DENND4B: variants seen among roughly 807,000 people sequenced by gnomAD.
DENND4B encodes the protein DENN domain-containing protein 4B.
A neutral mutation model predicts 161.0 loss-of-function variants in DENND4B; 67 were observed. The observed-to-expected ratio is 0.42, with a 90% CI of 0.34 to 0.51. The LOEUF is 0.51. DENND4B is among the 20% of genes least tolerant of loss of function. DENND4B has a pLI of 0.08. For synonymous variants in DENND4B, 753 were observed against 813.8 expected (o/e 0.93, Z 1.27); for missense variants, 1,481 against 1,968.0 (o/e 0.75, Z 4.68).
rs945847880 is a variant in DENND4B, at chr1:153,944,799, T to C, written c.-23-402A>G. 6.6e-6 allele frequency among the ~76,000 whole-genome samples: 1 copy of C among 152,128 alleles called. No individual in the cohort carries two copies. Among genetic ancestry groups the C allele is most frequent in the East Asian group, 1.9e-4 (1 of 5,192 alleles). ...ACCAACCTTACAGTCTTTTCAAGGG[T>C]TTCTGACCTTCCTACTCTAGTTATG... On this transcript the variant is annotated intron_variant, in intron 1 of 27. Coordinates refer to ENST00000361217, the MANE Select transcript of DENND4B (RefSeq NM_014856.3). The surrounding 1 kb of genome is among the most constrained non-coding windows in gnomAD (Gnocchi z 4.8).
Position 153,942,771 on chromosome 1 carries a change from A to C in DENND4B, c.570+107T>G, listed in dbSNP as rs1337279125. 1.3e-6 allele frequency: 2 copies of C among 1,489,218 alleles called. No individual in the cohort carries two copies. Among genetic ancestry groups the C allele is most frequent in the Non-Finnish European group, 9.0e-7 (1 of 1,116,246 alleles). The allele number at this position is 1,489,218 out of a possible 1,614,324, so 92.3% of individuals were successfully genotyped here. ...CCCAAGACCAGAGTTACCCCTCTGGACTCACCCCTGTGGTCAGAGCCTTGG... is the reference window on the plus strand; with the variant it reads ...CCCAAGACCAGAGTTACCCCTCTGGCCTCACCCCTGTGGTCAGAGCCTTGG... On this transcript the variant is annotated intron_variant, in intron 3 of 27. Coordinates refer to ENST00000361217, the MANE Select transcript of DENND4B (RefSeq NM_014856.3). The surrounding 1 kb of genome is among the most constrained non-coding windows in gnomAD (Gnocchi z 6.9).
chr1:153,935,439 C>T (rs906598294), intron 17 of DENND4B, among the ~76,000 whole-genome samples: 1 of 152,192 alleles, frequency 6.6e-6, no homozygotes. Flanking sequence ...CTCTGCCTCC[C>T]GGGTTCAAGT....
Position 153,930,349 on chromosome 1 carries a change from G to C in DENND4B, c.4439C>G (p.Thr1480Ser). The part of the protein sequence containing the change: ...ELRHRRAQMP[T>S]PKAIDCRKCF... ...TTTTCGGCAGTCAATGGCCTTGGGA[G>C]TGGGCATCTGCGCCCGCCGGTGCCT... Residue 1480 changes from threonine to serine, a missense_variant, in exon 28 of 28, where the codon ACT becomes AGT. Thr to Ser is a moderately conservative substitution (Grantham distance 58). This residue lies in a region of DENND4B where 336 missense variants were observed against 503.3 expected (regional missense o/e 0.67). Transcript: ENST00000361217. This position sits in a 1 kb window ranked among gnomAD's most constrained non-coding sequence, Gnocchi z 4.7. 1 of 1,614,028 alleles carries C rather than the reference G, an allele frequency of 6.2e-7. No individual in the cohort carries two copies. The highest frequency in any genetic ancestry group is 8.5e-7 in the Non-Finnish European group (1 of 1,179,892).
chr1:153,938,844 C>T, intron 13 of DENND4B, 56 bp downstream of exon 13: 3 of 1,550,498 alleles, frequency 1.9e-6, no homozygotes, highest in South Asian at 2.4e-5. Context: ...CTTGGGGCAA[C>T]AGAGACAATG....
Position 153,933,563 on chromosome 1 carries a change from C to A in DENND4B, c.3250G>T (p.Asp1084Tyr), listed in dbSNP as rs752058918. The A allele has an allele frequency of 1.6e-5, 25 of 1,554,978 alleles. No individual in the cohort carries two copies. The highest frequency in any genetic ancestry group is 2.7e-5 in the African/African-American group (2 of 72,738). The change falls in exon 20 of 28, where the codon GAC (aspartate) becomes TAC (tyrosine). Residue 1084 changes from aspartate to tyrosine, a missense_variant. Physicochemically the swap from Asp to Tyr is radical, Grantham distance 160 (BLOSUM62 -3). Coordinates refer to ENST00000361217, the MANE Select transcript of DENND4B (RefSeq NM_014856.3). This position sits in a 1 kb window ranked among gnomAD's most constrained non-coding sequence, Gnocchi z 5.7. ...CTGCGGCGGGCTGGGGGTGGCAGGT[C>A]AGGAGGCAGCTCAGGTGGGGGAATG... ...SRIPPPELPP[D>Y]LPPPARRSPM...
Position 153,937,357 on chromosome 1 carries a change from G to A in DENND4B, c.2232+131C>T, listed in dbSNP as rs766788730. On this transcript the variant is annotated intron_variant, in intron 15 of 27. Transcript: ENST00000361217. This position sits in a 1 kb window ranked among gnomAD's most constrained non-coding sequence, Gnocchi z 4.7. ...TTATACAGGGTTGCTTATGTGCCAAGCACATTTAAACTCCTAACAACCTCA... is the reference window on the plus strand; with the variant it reads ...TTATACAGGGTTGCTTATGTGCCAAACACATTTAAACTCCTAACAACCTCA... 1 of 1,331,364 alleles carries A rather than the reference G, an allele frequency of 7.5e-7. No individual in the cohort carries two copies. Among genetic ancestry groups the A allele is most frequent in the South Asian group, 1.7e-5 (1 of 57,898 alleles). The allele number at this position is 1,331,364 out of a possible 1,614,324, so 82.5% of individuals were successfully genotyped here. A position where few individuals can be genotyped will look rare whatever the true frequency, so the allele number is the denominator to read the frequency against.
Position 153,932,145 on chromosome 1 carries a change from C to A in DENND4B, c.3996+59G>T. The A allele has an allele frequency of 1.4e-6, 2 of 1,479,572 alleles. No individual in the cohort carries two copies. The allele number at this position is 1,479,572 out of a possible 1,614,324, so 91.7% of individuals were successfully genotyped here. The stretch of plus-strand genomic sequence containing the variant: ...TCTACAGTGCCAAGGACACAGTGGA[C>A]AAATGGCTGAGAGATGAGGGAGGCA... On this transcript the variant is annotated intron_variant, in intron 24 of 27. Transcript: ENST00000361217. This position sits in a 1 kb window ranked among gnomAD's most constrained non-coding sequence, Gnocchi z 5.8.
intron 17 of DENND4B, 52 bp from the exon 18 acceptor site, chr1:153,935,016 C>T: frequency 1.3e-6 from 2 of 1,591,042 alleles, no homozygotes; most frequent in South Asian, 2.2e-5. Context: ...CCTAACCCTG[C>T]CTCATACCCA....
Position 153,940,111 on chromosome 1 carries a change from G to T in DENND4B, c.1603+45C>A. 6.8e-7 allele frequency: 1 copy of T among 1,480,792 alleles called. No homozygotes were observed. The highest frequency in any genetic ancestry group is 9.1e-7 in the Non-Finnish European group (1 of 1,100,994). The allele number at this position is 1,480,792 out of a possible 1,614,324, so 91.7% of individuals were successfully genotyped here. ...AGACCTCTGCAAACTGGAGGTTTGAGGGCAATGACAGTTCCCAGCCTCCCT... is the reference window on the plus strand; with the variant it reads ...AGACCTCTGCAAACTGGAGGTTTGATGGCAATGACAGTTCCCAGCCTCCCT... On this transcript the variant is annotated intron_variant, in intron 11 of 27. Coordinates refer to ENST00000361217, the MANE Select transcript of DENND4B (RefSeq NM_014856.3). This position sits in a 1 kb window ranked among gnomAD's most constrained non-coding sequence, Gnocchi z 5.6.
In DENND4B at chr1:153,933,242, C is replaced by T; in HGVS notation, c.3408G>A (p.Glu1136=). ...LSNLSLRRSS[E]RLSDTPGSFQ... Reference sequence around the variant, plus strand: ...AGGATCCAGGGGTGTCACTGAGGCGCTCTGAGGAACGGCGAAGACTCAGGT... The same window carrying T: ...AGGATCCAGGGGTGTCACTGAGGCGTTCTGAGGAACGGCGAAGACTCAGGT... The change falls in exon 21 of 28, where the codon GAG becomes GAA. Residue 1136 remains glutamate (E), a synonymous_variant. Coordinates refer to ENST00000361217, the MANE Select transcript of DENND4B (RefSeq NM_014856.3). This position sits in a 1 kb window ranked among gnomAD's most constrained non-coding sequence, Gnocchi z 5.7. 6.2e-7 allele frequency: 1 copy of T among 1,613,162 alleles called. No individual in the cohort carries two copies. The highest frequency in any genetic ancestry group is 8.5e-7 in the Non-Finnish European group (1 of 1,179,564).
intron 17 of DENND4B, 57 bp from the exon 18 acceptor site, chr1:153,935,021 T>TA: frequency 6.3e-7 from 1 of 1,588,174 alleles, no homozygotes; most frequent in South Asian, 1.1e-5. Context: ...CCCTGCCTCA[T>TA]ACCCACTCCC....
chr1:153,935,227 C>A, intron 17 of DENND4B: 1 of 526,152 alleles, frequency 1.9e-6, no homozygotes, highest in Non-Finnish European at 3.3e-6. Flanking sequence ...AAATATATGG[C>A]TCTGAAGAAA....
rs1276137767 is a variant in DENND4B, at chr1:153,938,901, T to G, written c.1964A>C (p.Lys655Thr). 1.3e-6 allele frequency: 2 copies of G among 1,582,404 alleles called. No homozygotes were observed. Among genetic ancestry groups the G allele is most frequent in the Admixed American group, 1.8e-5 (1 of 54,630 alleles). ...GAGCACATAGAGAAGGGATGATACC[T>G]TTTCAACACAAGAGTCAAAGAATTC... ...ALEFFDSCVE[K>T]VHPEQEKPEP... The change falls in exon 13 of 28, where the codon AAG becomes ACG. Residue 655 changes from lysine (K) to threonine (T), a missense_variant and splice_region_variant. Lys to Thr is a moderately conservative substitution (Grantham distance 78). This residue lies in a region of DENND4B where 806 missense variants were observed against 1,134.4 expected (regional missense o/e 0.71). Transcript: ENST00000361217.
At position 153,936,797 on chromosome 1, in the gene DENND4B, C is replaced by G. The variant is rs1207318133; in HGVS notation, c.2233-49G>C. On this transcript the variant is annotated intron_variant, in intron 15 of 27. Transcript: ENST00000361217. This position sits in a 1 kb window ranked among gnomAD's most constrained non-coding sequence, Gnocchi z 4.1. The stretch of plus-strand genomic sequence containing the variant: ...AGGGTGAGTACAATGCCAGGTCTTT[C>G]TTACTTATCTATTTATTTATTTATT... The G allele has an allele frequency of 1.4e-6, 2 of 1,417,898 alleles. No individual in the cohort carries two copies. The highest frequency in any genetic ancestry group is 1.5e-5 in the South Asian group (1 of 66,448). The allele number at this position is 1,417,898 out of a possible 1,614,324, so 87.8% of individuals were successfully genotyped here.
At chr1:153,938,275 G>A (rs1679464566) in intron 13 of DENND4B, among the ~76,000 whole-genome samples, 1 of 152,030 alleles carries the variant, frequency 6.6e-6, no homozygotes, top group Non-Finnish European at 1.5e-5. Context: ...CAGGCATATT[G>A]GTGCACACCT....
In DENND4B at chr1:153,934,821, C is replaced by T. The variant is rs544489048; in HGVS notation, c.2712G>A (p.Gln904=). 77 of 1,109,728 alleles carry T rather than the reference C, an allele frequency of 6.9e-5. No homozygotes were observed. In the Middle Eastern group the frequency reaches 3.1e-3, roughly 45 times the overall value. 68.7% of individuals were successfully genotyped at this position (1,109,728 alleles called of 1,614,324 possible). ...CCTGCTCCTGCTGCTGCTGCTGCTG[C>T]TGCTGCTGTTGCTGCTGCTGCTGCT... ...RQQQQQQQQQ[Q]QQQQQQEQVS... is the part of the protein sequence containing the mutation. Residue 904 remains glutamine, a synonymous_variant, in exon 18 of 28, where the codon CAG becomes CAA. Coordinates refer to ENST00000361217, the MANE Select transcript of DENND4B (RefSeq NM_014856.3). The surrounding 1 kb of genome is among the most constrained non-coding windows in gnomAD (Gnocchi z 5.3).
In DENND4B at chr1:153,936,108, A is replaced by T; in HGVS notation, c.2520T>A (p.Arg840=). 1 of 1,612,740 alleles carries T rather than the reference A, an allele frequency of 6.2e-7. No homozygotes were observed. The highest frequency in any genetic ancestry group is 1.1e-5 in the South Asian group (1 of 90,632). Residue 840 remains arginine, a synonymous_variant, in exon 17 of 28, where the codon CGT becomes CGA. Transcript: ENST00000361217. The surrounding 1 kb of genome is among the most constrained non-coding windows in gnomAD (Gnocchi z 4.1). ...TGGTGTTGGGCACAATGCCTGCCTGACGCATCTCCAGCATGACCCGCACAG... is the reference window on the plus strand; with the variant it reads ...TGGTGTTGGGCACAATGCCTGCCTGTCGCATCTCCAGCATGACCCGCACAG... ...VLSVRVMLEM[R]QAGIVPNTIT... is the part of the protein sequence containing the mutation.
intron 8 of DENND4B, 57 bp downstream of exon 8, chr1:153,941,174 A>C (rs536811171): frequency 6.2e-7 from 1 of 1,603,890 alleles, no homozygotes; most frequent in South Asian, 1.1e-5. Flanking sequence ...CCACCTGCCC[A>C]GCACCTACCA....
rs1679962178 is a variant in DENND4B at position 153,946,267 on chromosome 1, G to GC, written c.-24+33dup. 1 of 338,652 alleles carries GC rather than the reference G, an allele frequency of 3.0e-6. No individual in the cohort carries two copies. Among genetic ancestry groups the GC allele is most frequent in the South Asian group, 1.4e-4 (1 of 7,114 alleles). The allele number at this position is 338,652 out of a possible 1,614,324, so 21.0% of individuals were successfully genotyped here. ...CCCGCGCTCCCTCCTGCCCGTCCCC[G>GC]CCTGCCGCCCAGCCCGGTCCAGCCC... On this transcript the variant is annotated intron_variant, in intron 1 of 27. Transcript: ENST00000361217. The surrounding 1 kb of genome is among the most constrained non-coding windows in gnomAD (Gnocchi z 6.3).
Sources: gnomAD v4.1 joint callset for allele counts (sites outside exome capture counted in the v4.1 genomes callset) on GRCh38, gnomAD v4.1.1 for gene constraint, gnomAD v4.1.1 regional missense constraint, Gnocchi (gnomAD v3.1) non-coding constraint, MANE v1.5 for transcripts, NCBI Gene and HGNC (gene_info 2026-07-23, HGNC 2026-07-21) for gene names.